Variants in SEM1 observed in about 807,000 individuals in gnomAD.
SEM1 encodes the protein 26S proteasome complex subunit SEM1.
Under a neutral mutation model 12.7 loss-of-function variants are expected in SEM1, and 3 were observed. The observed-to-expected ratio is 0.24, with a 90% confidence interval of 0.11 to 0.61. The LOEUF (loss-of-function observed/expected upper bound fraction) is 0.61, where lower values mean the gene tolerates loss of function less well. SEM1 is among the 20% of genes least tolerant of loss of function. The pLI, the probability that SEM1 is intolerant of heterozygous loss-of-function variation, is 0.88. For missense variants in SEM1, 59 were observed against 81.3 expected (o/e 0.73, Z 1.06); for synonymous variants, 30 against 27.8 (o/e 1.08, Z -0.25).
intron 1 of SEM1, among the ~76,000 whole-genome samples, chr7:96,699,316 C>T (rs964411128): frequency 3.3e-5 from 5 of 152,126 alleles, no homozygotes; most frequent in Admixed American, 6.6e-5. Context: ...TGAGTTATTT[C>T]GACAATCTGC....
chr7:96,502,269 C>G (rs567387786), intron 3 of SEM1, among the ~76,000 whole-genome samples: 4 of 152,256 alleles, frequency 2.6e-5, no homozygotes, highest in African/African-American at 9.6e-5. Context: ...GGCCTAGGCT[C>G]TATACCACTG....
rs985494687 is a variant in SEM1, at chr7:96,644,853, C to T, written c.171-22210G>A. On this transcript the variant is annotated intron_variant, in intron 2 of 2. Coordinates refer to the SEM1 transcript ENST00000417009. ...ATTAACTTGTGTGAGTATTCTGTCT[C>T]ACCAGACTCATTCAAGTAGAGTGAC... Among the ~76,000 whole-genome samples the T allele has an allele frequency of 2.0e-5, 3 of 152,138 alleles. No homozygotes were observed. In the East Asian group the frequency reaches 5.8e-4, roughly 29 times the overall value.
At position 96,640,920 on chromosome 7, in the gene SEM1, A is replaced by C. The variant is rs1232471851; in HGVS notation, c.171-18277T>G. On this transcript the variant is annotated intron_variant, in intron 2 of 2. Transcript: ENST00000417009. This position sits in a 1 kb window ranked among gnomAD's most constrained non-coding sequence, Gnocchi z 4.0. ...TAAAAAATATGGTTTCTTTACAAAA[A>C]ACTTAGAGTAATCTCACACTTGAAG... Among the ~76,000 whole-genome samples the C allele has an allele frequency of 1.3e-5, 2 of 151,992 alleles. No individual in the cohort carries two copies. Among genetic ancestry groups the C allele is most frequent in the Non-Finnish European group, 2.9e-5 (2 of 67,946 alleles).
Position 96,532,528 on chromosome 7 carries a change from G to T in SEM1, c.171-25830C>A, listed in dbSNP as rs148078097. Among the ~76,000 whole-genome samples the T allele has an allele frequency of 5.5e-3, 840 of 152,112 alleles. 9 individuals carry two copies. The highest frequency in any genetic ancestry group is 0.019 in the African/African-American group (802 of 41,506). On this transcript the variant is annotated intron_variant and NMD_transcript_variant, in intron 2 of 3. Coordinates refer to the SEM1 transcript ENST00000466986. ...TAATATTTCTTAACCTTCTTCATTGGGGAACATTTAAAAATGGTGCATGTT... is the reference window on the plus strand; with the variant it reads ...TAATATTTCTTAACCTTCTTCATTGTGGAACATTTAAAAATGGTGCATGTT...
At chr7:96,639,780 T>C (rs1808534515) in intron 2 of SEM1, among the ~76,000 whole-genome samples, 1 of 151,822 alleles carries the variant, frequency 6.6e-6, no homozygotes, top group African/African-American at 2.4e-5. Flanking sequence ...GTCAAGAAGA[T>C]GAAAAGGCAA....
intron 2 of SEM1, among the ~76,000 whole-genome samples, chr7:96,562,378 T>C (rs1486827566): frequency 6.6e-6 from 1 of 152,182 alleles, no homozygotes; most frequent in Non-Finnish European, 1.5e-5. Context: ...ATTCTATGTA[T>C]GAAGGATACA....
chr7:96,539,821 A>T (rs1804894079), intron 2 of SEM1, among the ~76,000 whole-genome samples: 1 of 151,656 alleles, frequency 6.6e-6, no homozygotes, highest in African/African-American at 2.4e-5. Flanking sequence ...AGCTCTCCTA[A>T]ATGAATTCAT....
intron 1 of SEM1, among the ~76,000 whole-genome samples, chr7:96,708,439 A>G (rs1224311940): frequency 1.3e-5 from 2 of 152,262 alleles, no homozygotes; most frequent in African/African-American, 4.8e-5. Flanking sequence ...TAGGATCATC[A>G]TAGGGTATAC....
At chr7:96,510,235 T>G (rs1056805410) in intron 2 of SEM1, among the ~76,000 whole-genome samples, 2 of 152,152 alleles carry the variant, frequency 1.3e-5, no homozygotes, top group African/African-American at 4.8e-5. Flanking sequence ...AGTACAGTCA[T>G]GTATCACTTA....
chr7:96,684,057 G>C (rs1789694105), downstream of SEM1, among the ~76,000 whole-genome samples: 2 of 151,918 alleles, frequency 1.3e-5, no homozygotes, highest in Admixed American at 1.3e-4. Flanking sequence ...ACGTTTGTAG[G>C]CTTGTTTTAC....
upstream of SEM1, among the ~76,000 whole-genome samples, chr7:96,500,471 G>C (rs764152239): frequency 3.9e-5 from 6 of 152,126 alleles, no homozygotes; most frequent in Non-Finnish European, 8.8e-5. Context: ...ACTCAGGCCA[G>C]TCGTCATACA....
At chr7:96,529,301 G>A (rs1003547766) in intron 2 of SEM1, among the ~76,000 whole-genome samples, 5 of 152,088 alleles carry the variant, frequency 3.3e-5, no homozygotes, top group East Asian at 1.9e-4. Context: ...TAAACAAAAC[G>A]CTAATTTGAA....
downstream of SEM1, among the ~76,000 whole-genome samples, chr7:96,619,943 G>A (rs1329828705): frequency 2.6e-5 from 4 of 152,138 alleles, no homozygotes. Flanking sequence ...CAACCAGTGA[G>A]GGCAGTGAGG....
chr7:96,604,425 A>T (rs1470079729), intron 2 of SEM1, among the ~76,000 whole-genome samples: 1 of 152,140 alleles, frequency 6.6e-6, no homozygotes, highest in Non-Finnish European at 1.5e-5. Flanking sequence ...GTGTCATTTC[A>T]TGTAATATTA....
chr7:96,504,388 C>A (rs764823075), intron 3 of SEM1, among the ~76,000 whole-genome samples: 2 of 151,950 alleles, frequency 1.3e-5, no homozygotes, highest in Admixed American at 1.3e-4. Context: ...TAGGTTTTTT[C>A]AAAAACTTTT....
At chr7:96,617,887 C>T (rs1807768078), downstream of SEM1, among the ~76,000 whole-genome samples, 2 of 152,120 alleles carry the variant, frequency 1.3e-5, no homozygotes, top group African/African-American at 4.8e-5. Flanking sequence ...TGGGATAAAT[C>T]CCACCTGATC....
chr7:96,630,730 G>A (rs1255040388), intron 2 of SEM1, among the ~76,000 whole-genome samples: 1 of 152,186 alleles, frequency 6.6e-6, no homozygotes, highest in African/African-American at 2.4e-5. Context: ...CCAGATTTGG[G>A]AATAGGCTGA....
In SEM1 at chr7:96,534,791, A is replaced by T. The variant is rs560438463; in HGVS notation, c.171-28093T>A. Among the ~76,000 whole-genome samples, 7 of 152,146 alleles carry T rather than the reference A, an allele frequency of 4.6e-5. No individual in the cohort carries two copies. The South Asian group carries it at 1.4e-3, about 32-fold the overall frequency. On this transcript the variant is annotated intron_variant and NMD_transcript_variant, in intron 2 of 3. Coordinates refer to the SEM1 transcript ENST00000466986. ...GCCAGACATTGAAGAGATTTACAAA[A>T]ATAAAATATTGCTCTTCTCACTAAA...
intron 1 of SEM1, among the ~76,000 whole-genome samples, chr7:96,708,707 T>G (rs1309355067): frequency 6.6e-6 from 1 of 152,198 alleles, no homozygotes; most frequent in East Asian, 1.9e-4. Flanking sequence ...GGTTTCCCAG[T>G]TCCAGTTCTA....
Sources: gnomAD v4.1 joint callset for allele counts (sites outside exome capture counted in the v4.1 genomes callset) on GRCh38, gnomAD v4.1.1 for gene constraint, Gnocchi (gnomAD v3.1) non-coding constraint, MANE v1.5 for transcripts, NCBI Gene and HGNC (gene_info 2026-07-23, HGNC 2026-07-21) for gene names.